SHROOM3: variants seen among roughly 807,000 people sequenced by gnomAD.
SHROOM3 encodes the protein shroom family member 3.
Under a neutral mutation model 138.6 loss-of-function variants are expected in SHROOM3, and 47 were observed. That is an observed-to-expected ratio of 0.34 (90% CI 0.27 to 0.43). The LOEUF (loss-of-function observed/expected upper bound fraction) is 0.43. Ranked by LOEUF, SHROOM3 falls within the 20% of genes least tolerant of loss-of-function variation. The probability of loss-of-function intolerance (pLI) is 1.00; values close to 1 mark genes in which losing one functional copy is unlikely to be tolerated. For synonymous variants in SHROOM3, 1,062 were observed against 1,063.3 expected (o/e 1.00, Z 0.02); for missense variants, 2,491 against 2,596.5 (o/e 0.96, Z 0.88).
At chr4:76,515,081 G>C (rs563679657) in intron 1 of SHROOM3, among the ~76,000 whole-genome samples, 9 of 152,148 alleles carry the variant, frequency 5.9e-5, no homozygotes, top group Non-Finnish European at 8.8e-5. Flanking sequence ...TGGGCATGGT[G>C]CTGGAAGCCT....
rs368239655 is a variant in SHROOM3 at position 76,770,606 on chromosome 4, G to A, written c.5350-20G>A. Reference sequence around the variant, plus strand: ...GCACCTCCTGTTGGCTGATCTTTGCGGTCTTATCTGTCATTTCAGGCTGAG... The same window carrying A: ...GCACCTCCTGTTGGCTGATCTTTGCAGTCTTATCTGTCATTTCAGGCTGAG... On this transcript the variant is annotated intron_variant, in intron 9 of 10. Transcript: ENST00000296043. 5.1e-5 allele frequency: 83 copies of A among 1,612,964 alleles called. No homozygotes were observed. Among genetic ancestry groups the A allele is most frequent in the Middle Eastern group, 1.7e-4 (1 of 5,870 alleles).
intron 1 of SHROOM3, among the ~76,000 whole-genome samples, chr4:76,504,168 T>C (rs1732156550): frequency 6.6e-6 from 1 of 152,176 alleles, no homozygotes. Flanking sequence ...AAAAAATTTT[T>C]TTTTTTTGAA....
chr4:76,439,173 C>T (rs548992040), intron 1 of SHROOM3, among the ~76,000 whole-genome samples: 1 of 152,198 alleles, frequency 6.6e-6, no homozygotes, highest in African/African-American at 2.4e-5. Flanking sequence ...GCCCACATTC[C>T]CTGGCTCATG....
rs1368522449 is a variant in SHROOM3 at position 76,774,721 on chromosome 4, T to G, written c.5622+3823T>G. ...AGGGTTTTTTGGGGTTTTTTTTTTG[T>G]TTTTTTTTTTTTTAAGGTATGTTTT... On this transcript the variant is annotated intron_variant, in intron 10 of 10. Transcript: ENST00000296043. 2.0e-3 allele frequency among the ~76,000 whole-genome samples: 262 copies of G among 129,356 alleles called. 1 individual carries two copies. Among genetic ancestry groups the G allele is most frequent in the African/African-American group, 8.1e-3 (253 of 31,104 alleles). The allele number at this position is 129,356 out of a possible 152,430, so 84.9% of individuals were successfully genotyped here.
At chr4:76,638,218 T>C (rs768773374) in intron 2 of SHROOM3, among the ~76,000 whole-genome samples, 14 of 152,228 alleles carry the variant, frequency 9.2e-5, no homozygotes, top group South Asian at 2.1e-4. Context: ...AGATGTTAGA[T>C]GGTTGGTTGA....
At chr4:76,456,771 A>T (rs553222340) in intron 1 of SHROOM3, among the ~76,000 whole-genome samples, 2 of 152,220 alleles carry the variant, frequency 1.3e-5, no homozygotes, top group Admixed American at 1.3e-4. Flanking sequence ...AAAGCTTTTA[A>T]TCACCTGGGT....
chr4:76,548,016 T>C (rs1396126953), intron 1 of SHROOM3, among the ~76,000 whole-genome samples: 1 of 150,506 alleles, frequency 6.6e-6, no homozygotes, highest in Admixed American at 6.6e-5. Flanking sequence ...TAAGTAGTAT[T>C]AGGGGAGGCT....
In SHROOM3 at chr4:76,633,347, A is replaced by G. The variant is rs534802259; in HGVS notation, c.324-76809A>G. 9.3e-3 allele frequency among the ~76,000 whole-genome samples: 1,392 copies of G among 150,412 alleles called. 22 individuals carry two copies. Among genetic ancestry groups the G allele is most frequent in the African/African-American group, 0.033 (1,342 of 40,914 alleles). ...GACTCAGTCTCAAAAAAAAAAAAAA[A>G]AAAAAAGAAAAAGAAAAAGGAAAAG... On this transcript the variant is annotated intron_variant, in intron 2 of 10. Coordinates refer to ENST00000296043, the MANE Select transcript of SHROOM3 (RefSeq NM_020859.4).
intron 3 of SHROOM3, among the ~76,000 whole-genome samples, chr4:76,725,476 A>G (rs1175909025): frequency 3.3e-5 from 5 of 152,238 alleles, no homozygotes; most frequent in African/African-American, 1.2e-4. Flanking sequence ...ATGGACATTT[A>G]ATTGTACATA....
intron 1 of SHROOM3, among the ~76,000 whole-genome samples, chr4:76,456,634 T>A (rs1579165736): frequency 6.6e-6 from 1 of 152,202 alleles, no homozygotes; most frequent in African/African-American, 2.4e-5. Context: ...CTATCAACTA[T>A]GTCTATCAAC....
rs769203504 is a variant in SHROOM3, at chr4:76,740,369, G to T, written c.2196G>T (p.Ser732=). Residue 732 remains serine (S), a synonymous_variant, in exon 5 of 11, where the codon TCG becomes TCT. Transcript: ENST00000296043. The surrounding 1 kb of genome is among the most constrained non-coding windows in gnomAD (Gnocchi z 4.0). ...GGCCCGAGGGGAGGACCGGTGCCTC[G>T]GCTTCTTTCAACAGCACAGACCCAA... is the stretch of plus-strand genomic sequence containing the variant. ...YPRPEGRTGA[S]ASFNSTDPSP... 6.2e-7 allele frequency: 1 copy of T among 1,612,894 alleles called. No homozygotes were observed. Among genetic ancestry groups the T allele is most frequent in the South Asian group, 1.1e-5 (1 of 91,076 alleles).
At chr4:76,774,708 GGTTT>G (rs562748259) in intron 10 of SHROOM3, among the ~76,000 whole-genome samples, 2,803 of 133,456 alleles carry the variant, frequency 0.021, 107 homozygotes, top group African/African-American at 0.071. Context: ...GGTTTTTTGG[GGTTT>G]TTTTTTTGTT....
At chr4:76,777,176 A>C (rs556114910) in intron 10 of SHROOM3, among the ~76,000 whole-genome samples, 1 of 152,172 alleles carries the variant, frequency 6.6e-6, no homozygotes, top group East Asian at 1.9e-4. Context: ...GAATTTGTAG[A>C]CTGCTTTTGA....
intron 1 of SHROOM3, among the ~76,000 whole-genome samples, chr4:76,529,035 T>C (rs1009724092): frequency 6.6e-6 from 1 of 152,190 alleles, no homozygotes; most frequent in Admixed American, 6.5e-5. Context: ...ATGTTCACAG[T>C]CTAAACTTGC....
chr4:76,545,984 C>T (rs1346310233), intron 1 of SHROOM3, among the ~76,000 whole-genome samples: 1 of 152,142 alleles, frequency 6.6e-6, no homozygotes, highest in Non-Finnish European at 1.5e-5. Context: ...AGCATACCTC[C>T]TATCTAGAAA....
intron 3 of SHROOM3, among the ~76,000 whole-genome samples, chr4:76,713,015 A>G (rs943299983): frequency 1.3e-5 from 2 of 152,222 alleles, no homozygotes; most frequent in African/African-American, 4.8e-5. Flanking sequence ...GATAAAAAGG[A>G]TACACCTACA....
At chr4:76,532,877 A>G (rs141183230) in intron 1 of SHROOM3, among the ~76,000 whole-genome samples, 226 of 152,282 alleles carry the variant, frequency 1.5e-3, no homozygotes, top group African/African-American at 5.2e-3. Flanking sequence ...CCTACACTTT[A>G]GAACCATTAT....
chr4:76,586,391 G>C, intron 2 of SHROOM3: 1 of 985,636 alleles, frequency 1.0e-6, no homozygotes. Flanking sequence ...GGCCAGCCTT[G>C]GCCCAGTGTC....
At chr4:76,521,304 G>GTGTGTGTGTGCGCACATATA (rs1732560334) in intron 1 of SHROOM3, among the ~76,000 whole-genome samples, 1 of 151,990 alleles carries the variant, frequency 6.6e-6, no homozygotes, top group African/African-American at 2.4e-5. Flanking sequence ...GCGCACATAT[G>GTGTGTGTGTGCGCACATATA]TGTGTGTGTG....
Sources: allele counts gnomAD v4.1 joint callset (sites outside exome capture counted in the v4.1 genomes callset), GRCh38; gene constraint gnomAD v4.1.1; non-coding constraint Gnocchi (gnomAD v3.1); transcripts MANE v1.5; gene names NCBI Gene and HGNC (gene_info 2026-07-23, HGNC 2026-07-21).